AMZ2: variants seen among roughly 807,000 people sequenced by gnomAD.
The protein encoded by AMZ2 is archaelysin family metallopeptidase 2.
In AMZ2, 26 loss-of-function variants were observed where a neutral mutation model predicts 36.7. The observed-to-expected ratio is 0.71, with a 90% confidence interval of 0.52 to 0.98. The LOEUF is 0.98. AMZ2 is among the 50% of genes least tolerant of loss of function. The probability of loss-of-function intolerance (pLI) is 0.00; values close to 1 mark genes in which losing one functional copy is unlikely to be tolerated. For missense variants in AMZ2, 394 were observed against 430.5 expected (o/e 0.92, Z 0.75); for synonymous variants, 144 against 149.1 (o/e 0.97, Z 0.25).
At chr17:68,239,783 C>T (rs560359340) in intron 1 of AMZ2, among the ~76,000 whole-genome samples, 3 of 145,306 alleles carry the variant, frequency 2.1e-5, no homozygotes, top group East Asian at 4.2e-4. Context: ...GAATAAGCCA[C>T]ATTCATGCAC....
chr17:68,255,726 A>G lies in AMZ2; in HGVS notation c.777A>G (p.Ile259Met). 1.9e-6 allele frequency: 3 copies of G among 1,614,194 alleles called. No homozygotes were observed. The highest frequency in any genetic ancestry group is 2.5e-6 in the Non-Finnish European group (3 of 1,180,034). ...CKTLTHEIGH[I>M]FGLRHCQWLA... ...CTTTAACCCATGAGATCGGACACAT[A>G]TTTGGACTGCGACACTGCCAGTGGC... The change falls in exon 6 of 7, where the codon ATA (isoleucine) becomes ATG (methionine). Residue 259 changes from isoleucine to methionine, a missense_variant. Ile to Met is a conservative substitution (Grantham distance 10). Transcript: ENST00000359904.
chr17:68,221,148 T>A (rs1404196509), intron 1 of AMZ2, among the ~76,000 whole-genome samples: 1 of 147,088 alleles, frequency 6.8e-6, no homozygotes, highest in African/African-American at 2.5e-5. Context: ...AGAAGTGGGA[T>A]CACAGTTCAC....
rs34203351 is a variant in AMZ2, at chr17:68,232,120, T to TAAAAAAA, written c.-66-16504_-66-16498dup. Among the ~76,000 whole-genome samples, 21 of 100,388 alleles carry TAAAAAAA rather than the reference T, an allele frequency of 2.1e-4. No individual in the cohort carries two copies. The Admixed American group carries it at 2.2e-3, about 11-fold the overall frequency. The allele number at this position is 100,388 out of a possible 152,430, so 65.9% of individuals were successfully genotyped here. ...AAGACTTGATTACAACTGAAGTTTG[T>TAAAAAAA]AAAAAAAAAAAAAAAAAAAAAAGGT... On this transcript the variant is annotated intron_variant, in intron 1 of 7. Coordinates refer to the AMZ2 transcript ENST00000674770.
At chr17:68,224,538 G>T (rs1202659869) in intron 1 of AMZ2, among the ~76,000 whole-genome samples, 2 of 143,806 alleles carry the variant, frequency 1.4e-5, no homozygotes, top group Non-Finnish European at 3.0e-5. Flanking sequence ...GGAATTGGGG[G>T]TAGCTTTTTT....
intron 1 of AMZ2, among the ~76,000 whole-genome samples, chr17:68,230,995 A>C (rs1329212608): frequency 1.3e-5 from 2 of 152,268 alleles, no homozygotes; most frequent in African/African-American, 4.8e-5. Context: ...GAATGCATCT[A>C]ACCTGTAGGG....
chr17:68,231,622 A>T lies in AMZ2; in HGVS notation c.-66-17018A>T, dbSNP rs139181531. 3.6e-3 allele frequency among the ~76,000 whole-genome samples: 137 copies of T among 38,176 alleles called. 51 individuals carry two copies. The East Asian group carries it at 0.11, about 32-fold the overall frequency. 25.0% of individuals were successfully genotyped at this position (38,176 alleles called of 152,430 possible). ...AGTGCATGGTGGGAAACACATAAGT[A>T]GTAGTACGAGTTTTCCTTGCATGGG... On this transcript the variant is annotated intron_variant, in intron 1 of 7. Coordinates refer to the AMZ2 transcript ENST00000674770.
In AMZ2 at chr17:68,226,477, G is replaced by A. The variant is rs146996837; in HGVS notation, c.-67+20239G>A. ...TCTGTTGTCCAGTCCTCTACAAATT[G>A]TCCAGCCCACTGCAGGGAGCCAGTC... On this transcript the variant is annotated intron_variant, in intron 1 of 7. Coordinates refer to the AMZ2 transcript ENST00000674770. Among the ~76,000 whole-genome samples the A allele has an allele frequency of 3.1e-3, 468 of 152,282 alleles. 2 individuals are homozygous for A. Among genetic ancestry groups the A allele is most frequent in the African/African-American group, 0.011 (437 of 41,552 alleles).
chr17:68,212,475 G>T (rs1555726298), intron 1 of AMZ2, among the ~76,000 whole-genome samples: 3 of 152,224 alleles, frequency 2.0e-5, no homozygotes, highest in Admixed American at 1.3e-4. Context: ...GTTTGAGGCT[G>T]CAGTGAGCTA....
At chr17:68,209,632 A>ATATATATAT in intron 1 of AMZ2, among the ~76,000 whole-genome samples, 5 of 90,698 alleles carry the variant, frequency 5.5e-5, no homozygotes, top group African/African-American at 9.9e-5. Flanking sequence ...ATATATATAT[A>ATATATATAT]TTTTTTTTTT....
chr17:68,225,971 G>C (rs544632173), intron 1 of AMZ2, among the ~76,000 whole-genome samples: 18 of 152,062 alleles, frequency 1.2e-4, no homozygotes, highest in Admixed American at 6.6e-4. Flanking sequence ...AATAGAAAAT[G>C]GGGTCCCAGA....
intron 1 of AMZ2, among the ~76,000 whole-genome samples, chr17:68,210,020 TA>T (rs1293242512): frequency 6.6e-6 from 1 of 151,846 alleles, no homozygotes; most frequent in African/African-American, 2.4e-5. Flanking sequence ...CTGTAATGTT[TA>T]AAAAAAATAA....
Position 68,206,240 on chromosome 17 carries a change from T to C in AMZ2, c.-67+2T>C. 4 of 1,299,506 alleles carry C rather than the reference T, an allele frequency of 3.1e-6. No homozygotes were observed. Among genetic ancestry groups the C allele is most frequent in the Non-Finnish European group, 3.9e-6 (4 of 1,015,018 alleles). 80.5% of individuals were successfully genotyped at this position (1,299,506 alleles called of 1,614,324 possible). On this transcript the variant is annotated splice_donor_variant, in intron 1 of 7. Coordinates refer to the AMZ2 transcript ENST00000674770. LOFTEE classifies it low-confidence loss of function (5UTR_SPLICE). ...ATAGTACCTACAGCAGCACTCCAGG[T>C]ACCCACCCAGCCCAGTTGCTGCAGA...
chr17:68,231,410 A>T lies in AMZ2; in HGVS notation c.-66-17230A>T, dbSNP rs112410783. Among the ~76,000 whole-genome samples, 159 of 104,986 alleles carry T rather than the reference A, an allele frequency of 1.5e-3. 37 individuals carry two copies. The highest frequency in any genetic ancestry group is 7.1e-3 in the African/African-American group (147 of 20,772). The allele number at this position is 104,986 out of a possible 152,430, so 68.9% of individuals were successfully genotyped here. A position where few individuals can be genotyped will look rare whatever the true frequency, so the allele number is the denominator to read the frequency against. ...AGACATCACTCTCTGTGAGTCATCC[A>T]GCACTAGTTAAGTTGGAATGAACAA... On this transcript the variant is annotated intron_variant, in intron 1 of 7. Coordinates refer to the AMZ2 transcript ENST00000674770.
intron 1 of AMZ2, among the ~76,000 whole-genome samples, chr17:68,223,027 C>T: frequency 6.6e-6 from 1 of 151,588 alleles, no homozygotes; most frequent in East Asian, 1.9e-4. Flanking sequence ...GAGGCGTGTG[C>T]TCTCGGAGGG....
At chr17:68,207,484 T>C (rs1555724691) in intron 1 of AMZ2, 2 of 151,658 alleles carry the variant, frequency 1.3e-5, no homozygotes, top group African/African-American at 4.8e-5. Flanking sequence ...ATAAAGTTTA[T>C]GAGAAAATAC....
intron 1 of AMZ2, among the ~76,000 whole-genome samples, chr17:68,212,452 C>G (rs780560485): frequency 2.6e-5 from 4 of 152,236 alleles, no homozygotes; most frequent in Non-Finnish European, 4.4e-5. Flanking sequence ...AGGAGGATGC[C>G]TTGAGCCCAG....
Position 68,248,061 on chromosome 17 carries a change from G to A in AMZ2, c.-645G>A, listed in dbSNP as rs781834739. On this transcript the variant is annotated 5_prime_UTR_variant, in exon 1 of 7. Transcript: ENST00000359904. ...GTGGCGCAGTGCGAAGGGACGCGGTGCGCATGCGCGTGAGGGCTGCCGCGG... is the reference window on the plus strand; with the variant it reads ...GTGGCGCAGTGCGAAGGGACGCGGTACGCATGCGCGTGAGGGCTGCCGCGG... 3.3e-4 allele frequency: 330 copies of A among 986,236 alleles called. No individual in the cohort carries two copies. Among genetic ancestry groups the A allele is most frequent in the Non-Finnish European group, 3.7e-4 (308 of 830,618 alleles). The allele number at this position is 986,236 out of a possible 1,614,324, so 61.1% of individuals were successfully genotyped here.
chr17:68,247,357 A>AAGAAATAAG (rs2074069956), upstream of AMZ2: 1 of 133,720 alleles, frequency 7.5e-6, no homozygotes, highest in African/African-American at 3.1e-5. Context: ...AAAAAAAAAA[A>AAGAAATAAG]AAAGCAAGAA....
chr17:68,252,888 G>A (rs55800047), intron 4 of AMZ2, among the ~76,000 whole-genome samples: 49,000 of 152,038 alleles, frequency 0.32, 9,494 homozygotes, highest in African/African-American at 0.54. Flanking sequence ...TATCTTATGT[G>A]TTTGAGGAGG....
Sources: gnomAD v4.1 joint callset for allele counts (sites outside exome capture counted in the v4.1 genomes callset) on GRCh38, gnomAD v4.1.1 for gene constraint, MANE v1.5 for transcripts, NCBI Gene and HGNC (gene_info 2026-07-23, HGNC 2026-07-21) for gene names.